The following HIPK3 variants were observed in gnomAD, a reference collection of about 807,000 sequenced individuals.
HIPK3 encodes homeodomain interacting protein kinase 3, also known as homeodomain-interacting protein kinase 3.
Under a neutral mutation model 124.2 loss-of-function variants are expected in HIPK3, and 47 were observed. The ratio of observed to expected loss-of-function variants is 0.38; its 90% CI spans 0.30 to 0.48. The LOEUF (loss-of-function observed/expected upper bound fraction) is 0.48. HIPK3 is among the 20% of genes least tolerant of loss of function. The pLI is 0.98. For missense variants in HIPK3, 1,286 were observed against 1,454.3 expected (o/e 0.88, Z 1.88); for synonymous variants, 482 against 515.2 (o/e 0.94, Z 0.87).
chr11:33,329,409 T>A (rs200597309), intron 3 of HIPK3, among the ~76,000 whole-genome samples: 10 of 152,184 alleles, frequency 6.6e-5, no homozygotes, highest in Non-Finnish European at 1.5e-4. Flanking sequence ...TTAGATGATA[T>A]TTAACTTTCA....
chr11:33,281,748 C>T (rs915942051), intron 1 of HIPK3, among the ~76,000 whole-genome samples: 1 of 151,942 alleles, frequency 6.6e-6, no homozygotes, highest in African/African-American at 2.4e-5. Context: ...TGCTTTTTTT[C>T]AGGTAGCAGT....
chr11:33,272,164 G>C (rs1051725218), intron 1 of HIPK3, among the ~76,000 whole-genome samples: 1 of 152,100 alleles, frequency 6.6e-6, no homozygotes. Context: ...TTGGGAGGCC[G>C]AGGCAGGTGG....
chr11:33,331,097 G>A (rs1055459401), intron 3 of HIPK3, among the ~76,000 whole-genome samples: 39 of 152,026 alleles, frequency 2.6e-4, no homozygotes, highest in African/African-American at 8.2e-4. Flanking sequence ...TGACGAGGCA[G>A]GTCTTAAACT....
chr11:33,312,060 A>G (rs1423131147), intron 2 of HIPK3, among the ~76,000 whole-genome samples: 2 of 152,006 alleles, frequency 1.3e-5, no homozygotes, highest in South Asian at 2.1e-4. Flanking sequence ...GGGTCTTGCT[A>G]TGTTGCCCAG....
intron 2 of HIPK3, among the ~76,000 whole-genome samples, chr11:33,290,976 G>A (rs1565067000): frequency 1.3e-5 from 2 of 152,144 alleles, no homozygotes. Context: ...AAAGACTAGT[G>A]CAGGCATTTT....
In HIPK3 at chr11:33,339,371, G is replaced by T; in HGVS notation, c.1450G>T (p.Glu484Ter). The T allele has an allele frequency of 1.9e-6, 3 of 1,613,126 alleles. No individual in the cohort carries two copies. The highest frequency in any genetic ancestry group is 2.5e-6 in the Non-Finnish European group (3 of 1,179,404). The change falls in exon 6 of 17, where the codon GAA (glutamate) becomes TAA (stop). Residue 484 changes from glutamate to a stop codon, truncating the protein, a stop_gained. Coordinates refer to ENST00000303296, the MANE Select transcript of HIPK3 (RefSeq NM_005734.5). LOFTEE classifies it high-confidence loss of function. The stretch of plus-strand genomic sequence containing the variant: ...TTAGGTGAACACAGTGATGGATTTG[G>T]AAGGAAGTGATCTTTTGGCTGAGAA... The part of the protein sequence containing the change: ...VAHVNTVMDL[E>*]GSDLLAEKAD...
At chr11:33,335,948 T>C (rs1199322633) in intron 3 of HIPK3, among the ~76,000 whole-genome samples, 1 of 152,182 alleles carries the variant, frequency 6.6e-6, no homozygotes, top group Non-Finnish European at 1.5e-5. Context: ...GCCTACTGTG[T>C]ACCATGCACT....
At chr11:33,333,545 C>T (rs1413353954) in intron 3 of HIPK3, among the ~76,000 whole-genome samples, 1 of 152,150 alleles carries the variant, frequency 6.6e-6, no homozygotes, top group Non-Finnish European at 1.5e-5. Context: ...GATTCCCATT[C>T]TTCATCCACT....
chr11:33,330,979 G>A (rs1852962940), intron 3 of HIPK3, among the ~76,000 whole-genome samples: 1 of 151,900 alleles, frequency 6.6e-6, no homozygotes, highest in African/African-American at 2.4e-5. Context: ...CGCCTCATAG[G>A]TTCAAGCAAT....
intron 2 of HIPK3, among the ~76,000 whole-genome samples, chr11:33,323,427 G>C (rs1424739547): frequency 5.3e-5 from 8 of 152,116 alleles, no homozygotes; most frequent in Non-Finnish European, 7.4e-5. Flanking sequence ...TATTTTAGTA[G>C]AGACAGAGTT....
upstream of HIPK3, chr11:33,257,231 C>A (rs927815449): frequency 3.0e-6 from 3 of 983,864 alleles, no homozygotes; most frequent in Admixed American, 6.2e-5. Context: ...GCGGGCGGAC[C>A]CCGGGGAGGG....
rs750509696 is a variant in HIPK3 at position 33,286,724 on chromosome 11, G to C, written c.310G>C (p.Val104Leu). 4 of 1,614,056 alleles carry C rather than the reference G, an allele frequency of 2.5e-6. No homozygotes were observed. Among genetic ancestry groups the C allele is most frequent in the South Asian group, 1.1e-5 (1 of 91,086 alleles). The change falls in exon 2 of 17, where the codon GTG (valine) becomes CTG (leucine). Residue 104 changes from valine to leucine, a missense_variant. By Grantham distance (32) the Val-to-Leu change is conservative (BLOSUM62 1). This residue lies in a region of HIPK3 where 225 missense variants were observed against 240.3 expected (regional missense o/e 0.94). Coordinates refer to ENST00000303296, the MANE Select transcript of HIPK3 (RefSeq NM_005734.5). ...AGCAGCTCAGGCACAGCAAGCTCAC[G>C]TGCAGGCACCTCAGATTGGGGCGTG... ...VIAAQAQQAH[V>L]QAPQIGAWRN...
At chr11:33,276,690 AATTTT>A (rs1437525338) in intron 1 of HIPK3, among the ~76,000 whole-genome samples, 3 of 151,968 alleles carry the variant, frequency 2.0e-5, no homozygotes, top group Non-Finnish European at 4.4e-5. Context: ...GTATTTTTGT[AATTTT>A]ATTTTATTTT....
intron 3 of HIPK3, among the ~76,000 whole-genome samples, chr11:33,336,271 G>A (rs1257827535): frequency 1.3e-5 from 2 of 152,126 alleles, no homozygotes; most frequent in Non-Finnish European, 2.9e-5. Flanking sequence ...AAGTTCAGAA[G>A]CCCTGAAGCT....
chr11:33,331,473 G>A (rs266488), intron 3 of HIPK3, among the ~76,000 whole-genome samples: 2,082 of 152,150 alleles, frequency 0.014, 53 homozygotes, highest in African/African-American at 0.047. Flanking sequence ...TACTGGGCTC[G>A]AGGAATCCTC....
intron 8 of HIPK3, 114 bp from the exon 9 acceptor site, chr11:33,347,179 C>CAAAA (rs368444636): frequency 3.4e-6 from 3 of 871,524 alleles, no homozygotes; most frequent in Non-Finnish European, 3.3e-6. Context: ...GGCCCTGTCT[C>CAAAA]AAAAAAAAAA....
chr11:33,353,845 C>G lies in HIPK3; in HGVS notation c.*277C>G, dbSNP rs1853745041. On this transcript the variant is annotated 3_prime_UTR_variant, in exon 17 of 17. Transcript: ENST00000303296. ...TGCTCCTGCTATTTTTTATAAATTG[C>G]CTTCTAACTAGTGCAAGACACGTCT... 3 of 383,336 alleles carry G rather than the reference C, an allele frequency of 7.8e-6. No homozygotes were observed. Among genetic ancestry groups the G allele is most frequent in the Non-Finnish European group, 1.5e-5 (3 of 204,936 alleles). The allele number at this position is 383,336 out of a possible 1,614,324, so 23.7% of individuals were successfully genotyped here. A position where few individuals can be genotyped will look rare whatever the true frequency, so the allele number is the denominator to read the frequency against.
intron 2 of HIPK3, among the ~76,000 whole-genome samples, chr11:33,293,355 G>C (rs1056730083): frequency 2.0e-5 from 3 of 151,942 alleles, no homozygotes; most frequent in African/African-American, 7.3e-5. Flanking sequence ...TTTCTCACCT[G>C]ACACAATTTT....
At chr11:33,343,247 T>TGTGTG (rs1853389267) in intron 8 of HIPK3, among the ~76,000 whole-genome samples, 5 of 141,418 alleles carry the variant, frequency 3.5e-5, no homozygotes, top group African/African-American at 1.1e-4. Flanking sequence ...TTATTTGATT[T>TGTGTG]TGTGTGTGTG....
Sources: gnomAD v4.1 joint callset for allele counts (sites outside exome capture counted in the v4.1 genomes callset) on GRCh38, gnomAD v4.1.1 for gene constraint, gnomAD v4.1.1 regional missense constraint, MANE v1.5 for transcripts, NCBI Gene and HGNC (gene_info 2026-07-23, HGNC 2026-07-21) for gene names.